XYLT1: variants seen among roughly 807,000 people sequenced by gnomAD.
The protein encoded by XYLT1 is beta-D-xylosyltransferase 1.
XYLT1 carries 36 observed loss-of-function variants against 91.3 expected under a neutral mutation model. The ratio of observed to expected loss-of-function variants is 0.39; its 90% CI spans 0.30 to 0.52. The LOEUF (loss-of-function observed/expected upper bound fraction) is 0.52, where lower values mean the gene tolerates loss of function less well. Ranked by LOEUF, XYLT1 falls within the 20% of genes least tolerant of loss-of-function variation. The probability of loss-of-function intolerance (pLI) is 0.68; values close to 1 mark genes in which losing one functional copy is unlikely to be tolerated. For synonymous variants in XYLT1, 588 were observed against 532.0 expected (o/e 1.11, Z -1.45); for missense variants, 1,242 against 1,284.5 (o/e 0.97, Z 0.51).
chr16:17,191,803 T>C (rs2032315592), intron 5 of XYLT1, among the ~76,000 whole-genome samples: 1 of 152,342 alleles, frequency 6.6e-6, no homozygotes, highest in Non-Finnish European at 1.5e-5. Context: ...GGATCTGCAG[T>C]TAATGTAACT....
At chr16:17,293,281 C>T (rs1296962616) in intron 2 of XYLT1, among the ~76,000 whole-genome samples, 1 of 152,104 alleles carries the variant, frequency 6.6e-6, no homozygotes, top group African/African-American at 2.4e-5. Flanking sequence ...CACCCAAAAC[C>T]TCTGTTTAAC....
chr16:17,127,496 G>T (rs1248188391), intron 10 of XYLT1, among the ~76,000 whole-genome samples, 170 bp downstream of exon 10: 1 of 152,184 alleles, frequency 6.6e-6, no homozygotes, highest in Non-Finnish European at 1.5e-5. Flanking sequence ...AGATGCTGGT[G>T]CCAGTGACTG....
chr16:17,309,386 C>T (rs944745243), intron 2 of XYLT1, among the ~76,000 whole-genome samples: 1 of 152,184 alleles, frequency 6.6e-6, no homozygotes, highest in Non-Finnish European at 1.5e-5. Context: ...TGGGTCCTCA[C>T]TCAGCAAATA....
intron 5 of XYLT1, among the ~76,000 whole-genome samples, chr16:17,185,742 T>C (rs926427338): frequency 1.3e-5 from 2 of 152,186 alleles, no homozygotes; most frequent in Non-Finnish European, 2.9e-5. Context: ...GGCTCACACC[T>C]GTAATCCTAG....
At chr16:17,407,405 CTAA>C (rs1361775294) in intron 1 of XYLT1, among the ~76,000 whole-genome samples, 1 of 151,922 alleles carries the variant, frequency 6.6e-6, no homozygotes, top group East Asian at 1.9e-4. Flanking sequence ...AAAGTGCCTG[CTAA>C]GCCCAGTGAC....
At chr16:17,296,858 C>T (rs1344278408) in intron 2 of XYLT1, among the ~76,000 whole-genome samples, 1 of 152,180 alleles carries the variant, frequency 6.6e-6, no homozygotes, top group Non-Finnish European at 1.5e-5. Flanking sequence ...GTTCAAATCC[C>T]CGCTCCTCCA....
rs573841976 is a variant in XYLT1 at position 17,200,337 on chromosome 16, C to A, written c.1086+145G>T. The A allele has an allele frequency of 7.2e-6, 7 of 972,974 alleles. No homozygotes were observed. In the East Asian group the frequency reaches 1.2e-4, roughly 17 times the overall value. The allele number at this position is 972,974 out of a possible 1,614,324, so 60.3% of individuals were successfully genotyped here. A position where few individuals can be genotyped will look rare whatever the true frequency, so the allele number is the denominator to read the frequency against. ...ATAGAGACAGCACTCTAGGGCCACACGCTCTGTGGAGAGGCAGCTGGTCAG... is the reference window on the plus strand; with the variant it reads ...ATAGAGACAGCACTCTAGGGCCACAAGCTCTGTGGAGAGGCAGCTGGTCAG... On this transcript the variant is annotated intron_variant, in intron 4 of 11. Transcript: ENST00000261381.
chr16:17,450,909 T>C (rs2141950478), intron 1 of XYLT1, among the ~76,000 whole-genome samples: 1 of 152,218 alleles, frequency 6.6e-6, no homozygotes, highest in South Asian at 2.1e-4. Flanking sequence ...ACAGGTAAGT[T>C]TTGACATGGA....
At position 17,309,614 on chromosome 16, in the gene XYLT1, T is replaced by C. The variant is rs538551390; in HGVS notation, c.402+48398A>G. ...CTGTGCCTTGTTAAGAGGGGAAATTTTCCAAGAACCTATTTTTCCAGCGCT... is the reference window on the plus strand; with the variant it reads ...CTGTGCCTTGTTAAGAGGGGAAATTCTCCAAGAACCTATTTTTCCAGCGCT... On this transcript the variant is annotated intron_variant, in intron 2 of 11. Transcript: ENST00000261381. Among the ~76,000 whole-genome samples the C allele has an allele frequency of 5.9e-5, 9 of 152,286 alleles. No individual in the cohort carries two copies. In the South Asian group the frequency reaches 1.9e-3, roughly 32 times the overall value.
At chr16:17,166,457 C>T (rs189582510) in intron 5 of XYLT1, among the ~76,000 whole-genome samples, 1 of 152,016 alleles carries the variant, frequency 6.6e-6, no homozygotes, top group East Asian at 1.9e-4. Context: ...ATCTCTGTGG[C>T]TTCTATGCTC....
chr16:17,221,196 C>CG (rs1249679838), intron 3 of XYLT1, among the ~76,000 whole-genome samples: 1 of 152,114 alleles, frequency 6.6e-6, no homozygotes, highest in East Asian at 1.9e-4. Context: ...GTCCTATAGT[C>CG]AATAAAGCTA....
At chr16:17,270,828 G>A (rs1159430582) in intron 2 of XYLT1, among the ~76,000 whole-genome samples, 1 of 152,156 alleles carries the variant, frequency 6.6e-6, no homozygotes, top group Admixed American at 6.5e-5. Context: ...GTGCTAGGAC[G>A]GCAGAGTTGT....
chr16:17,445,906 C>T (rs2036585335), intron 1 of XYLT1: 1 of 152,150 alleles, frequency 6.6e-6, no homozygotes, highest in Admixed American at 6.5e-5. Flanking sequence ...AGGGAGACCG[C>T]TCTTCAGGAG....
chr16:17,465,143 CAAAAA>C (rs35623153), intron 1 of XYLT1, among the ~76,000 whole-genome samples: 4 of 35,882 alleles, frequency 1.1e-4, no homozygotes, highest in South Asian at 1.8e-3. Context: ...GATGCTGTCT[CAAAAA>C]AAAAAAAAAA....
chr16:17,163,272 T>C (rs1567302974), intron 5 of XYLT1, among the ~76,000 whole-genome samples: 1 of 152,136 alleles, frequency 6.6e-6, no homozygotes, highest in African/African-American at 2.4e-5. Context: ...CATGGCACCA[T>C]TGTGTGTGTG....
intron 2 of XYLT1, among the ~76,000 whole-genome samples, chr16:17,347,390 T>C (rs189632484): frequency 1.3e-5 from 2 of 150,794 alleles, no homozygotes; most frequent in Non-Finnish European, 2.9e-5. Context: ...GACAGAGGAG[T>C]ATGAATGAAT....
intron 6 of XYLT1, among the ~76,000 whole-genome samples, chr16:17,144,886 G>A (rs2031092068): frequency 6.6e-6 from 1 of 152,204 alleles, no homozygotes. Context: ...TGTAACAGCA[G>A]TGGTTTAAAA....
chr16:17,402,327 C>CAA (rs60232971), intron 1 of XYLT1, among the ~76,000 whole-genome samples: 65 of 140,522 alleles, frequency 4.6e-4, no homozygotes, highest in African/African-American at 1.3e-3. Flanking sequence ...AAAACAAAAA[C>CAA]AAAAAAAAAA....
chr16:17,160,318 G>A (rs570858484), intron 5 of XYLT1, among the ~76,000 whole-genome samples: 7 of 152,178 alleles, frequency 4.6e-5, no homozygotes, highest in South Asian at 2.1e-4. Context: ...AATGCACGTC[G>A]TCCTGCTCTG....
Sources: gnomAD v4.1 joint callset for allele counts (sites outside exome capture counted in the v4.1 genomes callset) on GRCh38, gnomAD v4.1.1 for gene constraint, MANE v1.5 for transcripts, NCBI Gene and HGNC (gene_info 2026-07-23, HGNC 2026-07-21) for gene names.